The following HCN4 variants were observed in gnomAD, a reference collection of about 807,000 sequenced individuals.
The protein encoded by HCN4 is potassium/sodium hyperpolarization-activated cyclic nucleotide-gated channel 4.
Under a neutral mutation model 76.9 loss-of-function variants are expected in HCN4, and 29 were observed. The ratio of observed to expected loss-of-function variants is 0.38; its 90% CI spans 0.28 to 0.51. HCN4 has a LOEUF of 0.51. Among genes scored for constraint, HCN4 ranks in the 20% least tolerant of loss-of-function variants. The pLI is 0.90. For missense variants in HCN4, 1,416 were observed against 1,715.2 expected, an observed-to-expected ratio of 0.83 and a Z score of 3.08; for synonymous variants, 772 against 762.5, an observed-to-expected ratio of 1.01 and a Z score of -0.21.
chr15:73,355,904 T>C (rs935426446), intron 1 of HCN4, among the ~76,000 whole-genome samples: 2 of 152,120 alleles, frequency 1.3e-5, no homozygotes, highest in African/African-American at 4.8e-5. Context: ...CTGGGGAAGA[T>C]GGGGGAGGTA....
chr15:73,334,495 A>G (rs2042950710), intron 2 of HCN4, among the ~76,000 whole-genome samples: 1 of 152,058 alleles, frequency 6.6e-6, no homozygotes, highest in African/African-American at 2.4e-5. Flanking sequence ...GGTGAATGTG[A>G]CATGTCTATG....
intron 1 of HCN4, among the ~76,000 whole-genome samples, chr15:73,355,356 C>A (rs1038891020): frequency 1.3e-5 from 2 of 152,186 alleles, no homozygotes; most frequent in African/African-American, 4.8e-5. Context: ...AGCTAGACAT[C>A]TCTAAAGATA....
At chr15:73,356,030 T>C (rs961302131) in intron 1 of HCN4, among the ~76,000 whole-genome samples, 4 of 152,030 alleles carry the variant, frequency 2.6e-5, no homozygotes, top group Admixed American at 6.6e-5. Context: ...AAATAGAACA[T>C]TGTTGTGGAG....
At chr15:73,344,489 G>C (rs1038152633) in intron 1 of HCN4, among the ~76,000 whole-genome samples, 1 of 152,122 alleles carries the variant, frequency 6.6e-6, no homozygotes, top group African/African-American at 2.4e-5. Context: ...ATCAGAAAAT[G>C]TCTGACCATC....
chr15:73,331,572 A>G lies in HCN4; in HGVS notation c.1371+559T>C, dbSNP rs375874013. Among the ~76,000 whole-genome samples, 91 of 152,284 alleles carry G rather than the reference A, an allele frequency of 6.0e-4. 1 individual carries two copies. In the East Asian group the frequency reaches 0.015, roughly 26 times the overall value. ...GGATCCCCCTGTACAGCCGGGACAC[A>G]TGTGCTTGCCACCACACCAGCTAGT... is the stretch of plus-strand genomic sequence containing the variant. On this transcript the variant is annotated intron_variant, in intron 3 of 7. Coordinates refer to ENST00000261917, the MANE Select transcript of HCN4 (RefSeq NM_005477.3).
chr15:73,366,432 G>C (rs941918204), intron 1 of HCN4, among the ~76,000 whole-genome samples: 1 of 152,048 alleles, frequency 6.6e-6, no homozygotes, highest in Non-Finnish European at 1.5e-5. Flanking sequence ...GAGAATGAGA[G>C]AATTAAACCC....
At chr15:73,361,976 T>C (rs372780658) in intron 1 of HCN4, among the ~76,000 whole-genome samples, 1 of 152,208 alleles carries the variant, frequency 6.6e-6, no homozygotes, top group African/African-American at 2.4e-5. Context: ...CAGTACTCCC[T>C]GCGCCTTCTC....
At chr15:73,361,156 G>A (rs1364726937) in intron 1 of HCN4, among the ~76,000 whole-genome samples, 1 of 152,228 alleles carries the variant, frequency 6.6e-6, no homozygotes, top group Non-Finnish European at 1.5e-5. Flanking sequence ...GCTGTATTTG[G>A]TGCATGGGAT....
chr15:73,345,452 G>A (rs1015223562), intron 1 of HCN4, among the ~76,000 whole-genome samples: 3 of 152,132 alleles, frequency 2.0e-5, no homozygotes, highest in African/African-American at 7.2e-5. Flanking sequence ...TGTGGCCCCA[G>A]TACCCATATG....
intron 2 of HCN4, among the ~76,000 whole-genome samples, chr15:73,334,339 G>A (rs773907092): frequency 7.2e-5 from 11 of 152,108 alleles, no homozygotes; most frequent in Non-Finnish European, 1.5e-4. Context: ...TGAATTTGGG[G>A]TCTCTGGTCC....
intron 1 of HCN4, among the ~76,000 whole-genome samples, chr15:73,357,559 G>C (rs2043086732): frequency 6.6e-6 from 1 of 152,140 alleles, no homozygotes; most frequent in South Asian, 2.1e-4. Flanking sequence ...AGGCTGGGAG[G>C]AGAGCGTGGT....
In HCN4 at chr15:73,328,913, G is replaced by A. The variant is rs976856568; in HGVS notation, c.1590+660C>T. 3.0e-4 allele frequency among the ~76,000 whole-genome samples: 45 copies of A among 152,330 alleles called. No individual in the cohort carries two copies. Among genetic ancestry groups the A allele is most frequent in the African/African-American group, 1.0e-3 (43 of 41,580 alleles). ...CATCTGGGAAGAGCAGAGACTTGGAGTAGAGAGAACAGGGCAGCCTTCTCA... is the reference window on the plus strand; with the variant it reads ...CATCTGGGAAGAGCAGAGACTTGGAATAGAGAGAACAGGGCAGCCTTCTCA... On this transcript the variant is annotated intron_variant, in intron 4 of 7. Coordinates refer to ENST00000261917, the MANE Select transcript of HCN4 (RefSeq NM_005477.3). This position sits in a 1 kb window ranked among gnomAD's most constrained non-coding sequence, Gnocchi z 4.0.
Position 73,322,525 on chromosome 15 carries a change from C to T in HCN4, c.3568G>A (p.Ala1190Thr), listed in dbSNP as rs372243234. ...LTAGPQREPG[A>T]RPEPVRSKLP... ...TTGGAGCGCACTGGCTCAGGCCTGGCCCCAGGTTCCCTCTGGGGTCCAGCA... is the reference window on the plus strand; with the variant it reads ...TTGGAGCGCACTGGCTCAGGCCTGGTCCCAGGTTCCCTCTGGGGTCCAGCA... Residue 1190 changes from alanine (A) to threonine (T), a missense_variant, in exon 8 of 8, where the codon GCC (alanine) becomes ACC (threonine). By Grantham distance (58) the Ala-to-Thr change is moderately conservative (BLOSUM62 0). Coordinates refer to ENST00000261917, the MANE Select transcript of HCN4 (RefSeq NM_005477.3). The T allele has an allele frequency of 1.9e-5, 31 of 1,603,696 alleles. No individual in the cohort carries two copies. The highest frequency in any genetic ancestry group is 1.0e-4 in the Admixed American group (6 of 58,714).
At chr15:73,345,766 A>G (rs2043026972) in intron 1 of HCN4, among the ~76,000 whole-genome samples, 1 of 152,110 alleles carries the variant, frequency 6.6e-6, no homozygotes, top group Admixed American at 6.5e-5. Context: ...AAAAGAAAAC[A>G]AATTTTTTAA....
rs2042852125 is a variant in HCN4, at chr15:73,320,710, A to T, written c.*1771T>A. On this transcript the variant is annotated 3_prime_UTR_variant, in exon 8 of 8. Coordinates refer to ENST00000261917, the MANE Select transcript of HCN4 (RefSeq NM_005477.3). ...CCTATCACCCAAGGCCGTCCCTCTG[A>T]CCCCTCAGCCTGGGGATCCCCTCCC... 2.0e-5 allele frequency: 3 copies of T among 152,134 alleles called. No individual in the cohort carries two copies. The highest frequency in any genetic ancestry group is 6.6e-5 in the Admixed American group (1 of 15,254). 9.4% of individuals were successfully genotyped at this position (152,134 alleles called of 1,614,324 possible). A position where few individuals can be genotyped will look rare whatever the true frequency, so the allele number is the denominator to read the frequency against.
At chr15:73,355,184 G>A (rs1414072009) in intron 1 of HCN4, among the ~76,000 whole-genome samples, 1 of 152,210 alleles carries the variant, frequency 6.6e-6, no homozygotes, top group Non-Finnish European at 1.5e-5. Flanking sequence ...GGGGTTACAG[G>A]AAGGAGGCCC....
intron 1 of HCN4, among the ~76,000 whole-genome samples, chr15:73,365,119 G>C (rs951520145): frequency 6.6e-6 from 1 of 152,154 alleles, no homozygotes; most frequent in Non-Finnish European, 1.5e-5. Flanking sequence ...CAAGGCTGGG[G>C]GTGCTGGTCG....
At chr15:73,358,151 C>A (rs2043089591) in intron 1 of HCN4, among the ~76,000 whole-genome samples, 1 of 152,150 alleles carries the variant, frequency 6.6e-6, no homozygotes, top group Non-Finnish European at 1.5e-5. Flanking sequence ...CAGTTCTGGG[C>A]AGGCTGGCTC....
intron 4 of HCN4, among the ~76,000 whole-genome samples, chr15:73,326,510 T>C (rs751684839): frequency 6.6e-6 from 1 of 151,498 alleles, no homozygotes; most frequent in Non-Finnish European, 1.5e-5. Context: ...TTTTAGAGAG[T>C]CCCTCCCCTG....
Sources: allele counts gnomAD v4.1 joint callset (sites outside exome capture counted in the v4.1 genomes callset), GRCh38; gene constraint gnomAD v4.1.1; non-coding constraint Gnocchi (gnomAD v3.1); transcripts MANE v1.5; gene names NCBI Gene and HGNC (gene_info 2026-07-23, HGNC 2026-07-21).